Variants in ZNF676 observed in about 807,000 individuals in gnomAD.
The protein encoded by ZNF676 is zinc finger protein 676.
A neutral mutation model predicts 6.0 loss-of-function variants in ZNF676; 4 were observed. The ratio of observed to expected loss-of-function variants is 0.67; its 90% CI spans 0.33 to 1.53. The LOEUF is 1.53. Among genes scored for constraint, ZNF676 ranks in the 40% most tolerant of loss-of-function variants. The pLI is 0.06. For synonymous variants in ZNF676, 198 were observed against 223.1 expected (o/e 0.89, Z 1.00); for missense variants, 644 against 679.7 (o/e 0.95, Z 0.58).
chr19:22,256,044 G>A, the ZNF676 span, among the ~76,000 whole-genome samples: 3 of 152,242 alleles, frequency 2.0e-5, no homozygotes, highest in South Asian at 6.2e-4. Context: ...TCTCATCTGT[G>A]TGCTGGGCTC....
intron 1 of ZNF676, among the ~76,000 whole-genome samples, chr19:22,206,806 A>G (rs1447704994): frequency 6.6e-6 from 1 of 152,216 alleles, no homozygotes; most frequent in Non-Finnish European, 1.5e-5. Context: ...ACGAATCAAT[A>G]AATGTGATTC....
chr19:22,206,424 G>T (rs766778979), intron 1 of ZNF676, among the ~76,000 whole-genome samples: 13 of 152,108 alleles, frequency 8.5e-5, no homozygotes, highest in Non-Finnish European at 1.3e-4. Flanking sequence ...TGTAATCGCA[G>T]CACTTTGGGA....
upstream of ZNF676, among the ~76,000 whole-genome samples, chr19:22,199,949 T>G (rs148601958): frequency 0.029 from 4,375 of 152,200 alleles, 100 homozygotes; most frequent in South Asian, 0.063. Context: ...AAGGCAACAG[T>G]ATTCATGACC....
chr19:22,247,953 G>T, the ZNF676 span, among the ~76,000 whole-genome samples: 2 of 139,558 alleles, frequency 1.4e-5, no homozygotes, highest in Non-Finnish European at 3.0e-5. Context: ...GTGTCCAAGT[G>T]TTCTCATTGC....
intron 1 of ZNF676, among the ~76,000 whole-genome samples, chr19:22,194,756 G>C (rs1205276243): frequency 1.3e-5 from 2 of 152,100 alleles, no homozygotes; most frequent in African/African-American, 4.8e-5. Flanking sequence ...CCTGGACCCA[G>C]TCCCCTCAAA....
chr19:22,228,035 G>A, the ZNF676 span, among the ~76,000 whole-genome samples: 4 of 152,148 alleles, frequency 2.6e-5, no homozygotes, highest in African/African-American at 4.8e-5. Context: ...TACCAAAGCT[G>A]GCAGAGACAC....
upstream of ZNF676, among the ~76,000 whole-genome samples, chr19:22,197,466 ATT>A (rs11340000): frequency 3.6e-4 from 54 of 149,150 alleles, no homozygotes; most frequent in East Asian, 1.4e-3. Context: ...TGTTAATGCA[ATT>A]TTTTTTTTTT....
chr19:22,234,916 A>G, the ZNF676 span, among the ~76,000 whole-genome samples: 1 of 151,378 alleles, frequency 6.6e-6, no homozygotes, highest in Non-Finnish European at 1.5e-5. Flanking sequence ...CTGGATGACA[A>G]GAGCAAGACT....
chr19:22,215,727 TAAGGAC>T (rs1271546937), exon 1 of ZNF676: 1 of 1,515,646 alleles, frequency 6.6e-7, no homozygotes, highest in East Asian at 2.3e-5. Context: ...CTAGGAACAG[TAAGGAC>T]AAGGCCTTTA....
the ZNF676 span, among the ~76,000 whole-genome samples, chr19:22,248,218 G>T: frequency 6.6e-6 from 1 of 152,292 alleles, no homozygotes; most frequent in East Asian, 1.9e-4. Context: ...ATGTGTGCAT[G>T]TGTCTTTATA....
chr19:22,189,072 A>G (rs2144745185), intron 2 of ZNF676, among the ~76,000 whole-genome samples: 1 of 152,292 alleles, frequency 6.6e-6, no homozygotes, highest in South Asian at 2.1e-4. Flanking sequence ...AAAAGAACAA[A>G]GCTGGAGGCA....
chr19:22,213,283 A>G (rs528600826), intron 1 of ZNF676, among the ~76,000 whole-genome samples: 3 of 152,242 alleles, frequency 2.0e-5, no homozygotes, highest in African/African-American at 7.2e-5. Flanking sequence ...TTTTTCCACA[A>G]ACTTTTTACC....
At chr19:22,240,969 T>G in the ZNF676 span, among the ~76,000 whole-genome samples, 3 of 151,858 alleles carry the variant, frequency 2.0e-5, no homozygotes, top group Non-Finnish European at 4.4e-5. Flanking sequence ...ATCACTTGAG[T>G]GTTGGACAGT....
chr19:22,253,520 A>G, the ZNF676 span, among the ~76,000 whole-genome samples: 4 of 110,608 alleles, frequency 3.6e-5, no homozygotes, highest in Non-Finnish European at 7.6e-5. Flanking sequence ...ATATGTATAT[A>G]TACACATTAA....
At chr19:22,250,940 G>A in the ZNF676 span, among the ~76,000 whole-genome samples, 1 of 152,110 alleles carries the variant, frequency 6.6e-6, no homozygotes, top group African/African-American at 2.4e-5. Context: ...TCAAACTTCT[G>A]ACCTCAGGTG....
the ZNF676 span, among the ~76,000 whole-genome samples, chr19:22,252,608 C>A: frequency 6.6e-6 from 1 of 152,146 alleles, no homozygotes; most frequent in Non-Finnish European, 1.5e-5. Context: ...TAATATCACC[C>A]ATGTGAGGGA....
At position 22,206,628 on chromosome 19, in the gene ZNF676, T is replaced by C. The variant is rs559650857; in HGVS notation, c.3+9004A>G. The stretch of plus-strand genomic sequence containing the variant: ...AGTCAGAGGTTGCAGTGAACCAAGA[T>C]TGCACCACTGCACTCCAGCCTGGAT... On this transcript the variant is annotated intron_variant, in intron 1 of 3. Transcript: ENST00000650058. Among the ~76,000 whole-genome samples the C allele has an allele frequency of 1.4e-4, 21 of 151,948 alleles. 1 individual carries two copies. In the South Asian group the frequency reaches 3.3e-3, roughly 24 times the overall value.
chr19:22,211,764 G>GTT (rs1333925402), intron 1 of ZNF676, among the ~76,000 whole-genome samples: 3 of 152,112 alleles, frequency 2.0e-5, no homozygotes, highest in Non-Finnish European at 4.4e-5. Flanking sequence ...ACGAATCTAT[G>GTT]TAACTCACCA....
the ZNF676 span, among the ~76,000 whole-genome samples, chr19:22,235,992 G>A: frequency 1.1e-4 from 16 of 150,506 alleles, no homozygotes; most frequent in Admixed American, 5.3e-4. Context: ...TTAAGCTTAC[G>A]ATAATCCACT....
Sources: gnomAD v4.1 joint callset for allele counts (sites outside exome capture counted in the v4.1 genomes callset) on GRCh38, gnomAD v4.1.1 for gene constraint, MANE v1.5 for transcripts, NCBI Gene and HGNC (gene_info 2026-07-23, HGNC 2026-07-21) for gene names.